PLEKHG1: variants seen among roughly 807,000 people sequenced by gnomAD.
PLEKHG1 encodes the protein pleckstrin homology domain-containing family G member 1.
Under a neutral mutation model 100.8 loss-of-function variants are expected in PLEKHG1, and 44 were observed. The ratio of observed to expected loss-of-function variants is 0.44; its 90% CI spans 0.34 to 0.56. The LOEUF (loss-of-function observed/expected upper bound fraction) is 0.56, where lower values mean the gene tolerates loss of function less well. Ranked by LOEUF, PLEKHG1 falls within the 20% of genes least tolerant of loss-of-function variation. The pLI, the probability that PLEKHG1 is intolerant of heterozygous loss-of-function variation, is 0.01. For missense variants in PLEKHG1, 1,545 were observed against 1,720.9 expected, an observed-to-expected ratio of 0.90 and a Z score of 1.81; for synonymous variants, 640 against 662.5, an observed-to-expected ratio of 0.97 and a Z score of 0.52.
intron 3 of PLEKHG1, among the ~76,000 whole-genome samples, chr6:150,785,199 AG>A (rs1395052774): frequency 6.6e-6 from 1 of 152,258 alleles, no homozygotes; most frequent in Non-Finnish European, 1.5e-5. Context: ...AATAGCCTAA[AG>A]AATCAAAAAT....
At chr6:150,730,197 C>T (rs1207834757) in intron 1 of PLEKHG1, among the ~76,000 whole-genome samples, 1 of 152,092 alleles carries the variant, frequency 6.6e-6, no homozygotes, top group African/African-American at 2.4e-5. Context: ...AAAATCAGAA[C>T]TTGCCCTAGA....
intron 4 of PLEKHG1, among the ~76,000 whole-genome samples, chr6:150,791,411 C>G (rs1473361877): frequency 6.6e-6 from 1 of 152,062 alleles, no homozygotes; most frequent in Non-Finnish European, 1.5e-5. Flanking sequence ...CCTGTAATCT[C>G]AGCACTTTGG....
intron 3 of PLEKHG1, among the ~76,000 whole-genome samples, chr6:150,773,062 T>A (rs190420181): frequency 4.4e-4 from 67 of 152,206 alleles, no homozygotes; most frequent in Admixed American, 3.9e-3. Flanking sequence ...GGTTTTGTGT[T>A]GTGTTTTTTT....
intron 7 of PLEKHG1, among the ~76,000 whole-genome samples, chr6:150,806,919 A>C (rs1490171709): frequency 6.6e-6 from 1 of 151,846 alleles, no homozygotes; most frequent in Non-Finnish European, 1.5e-5. Flanking sequence ...GAGTAGCATG[A>C]TGAAATCTCA....
intron 3 of PLEKHG1, among the ~76,000 whole-genome samples, chr6:150,655,394 A>AG (rs1778922962): frequency 6.6e-6 from 1 of 152,168 alleles, no homozygotes; most frequent in South Asian, 2.1e-4. Context: ...AATGCCCATC[A>AG]GTGATAGACT....
At chr6:150,740,219 G>A (rs1382897475) in intron 2 of PLEKHG1, among the ~76,000 whole-genome samples, 1 of 152,206 alleles carries the variant, frequency 6.6e-6, no homozygotes, top group Non-Finnish European at 1.5e-5. Flanking sequence ...CCTCCCTTGA[G>A]GACAGTACTG....
intron 3 of PLEKHG1, among the ~76,000 whole-genome samples, chr6:150,655,958 G>A (rs1778953662): frequency 6.6e-6 from 1 of 152,022 alleles, no homozygotes; most frequent in African/African-American, 2.4e-5. Flanking sequence ...GGGTTGGGGG[G>A]CCAGGAGAGG....
chr6:150,804,176 T>TATATATATATATATATA (rs55868220), intron 6 of PLEKHG1, among the ~76,000 whole-genome samples: 21 of 24,766 alleles, frequency 8.5e-4, no homozygotes, highest in African/African-American at 2.2e-3. Flanking sequence ...TATATATATA[T>TATATATATATATATATA]TTTTTTTTTT....
At chr6:150,718,366 A>C (rs915908087), upstream of PLEKHG1, among the ~76,000 whole-genome samples, 1 of 152,086 alleles carries the variant, frequency 6.6e-6, no homozygotes, top group Non-Finnish European at 1.5e-5. Flanking sequence ...ATGGGGAGAA[A>C]CCAGGGTCTT....
chr6:150,672,904 A>C (rs977390892), intron 3 of PLEKHG1, among the ~76,000 whole-genome samples: 4 of 152,220 alleles, frequency 2.6e-5, no homozygotes, highest in African/African-American at 9.6e-5. Context: ...TTTCTACTGC[A>C]TATCAACTCT....
Position 150,831,256 on chromosome 6 carries a change from A to C in PLEKHG1, c.2145A>C (p.Ala715=), listed in dbSNP as rs958552451. The stretch of plus-strand genomic sequence containing the variant: ...GCCACAGTAAGGGCTCTCTTTACGC[A>C]CAAACAGATGGCACCCTCTCAGGTG... The change falls in exon 15 of 16, where the codon GCA becomes GCC. Residue 715 remains alanine, a synonymous_variant. Transcript: ENST00000358517. The surrounding 1 kb of genome is among the most constrained non-coding windows in gnomAD (Gnocchi z 4.1). 9 of 1,613,974 alleles carry C rather than the reference A, an allele frequency of 5.6e-6. No homozygotes were observed. The highest frequency in any genetic ancestry group is 7.6e-6 in the Non-Finnish European group (9 of 1,180,006).
intron 2 of PLEKHG1, among the ~76,000 whole-genome samples, chr6:150,757,987 A>G (rs61094964): frequency 0.36 from 55,134 of 151,894 alleles, 12,202 homozygotes; most frequent in African/African-American, 0.6. Context: ...TGAGGATAAC[A>G]GCTTCCGGCT....
chr6:150,829,886 A>G (rs1456239745), intron 14 of PLEKHG1, among the ~76,000 whole-genome samples: 3 of 152,164 alleles, frequency 2.0e-5, no homozygotes, highest in African/African-American at 2.4e-5. Flanking sequence ...GGCTTTTCGT[A>G]TACCAGAAAC....
intron 15 of PLEKHG1, among the ~76,000 whole-genome samples, chr6:150,834,927 C>T (rs932183375): frequency 5.9e-5 from 9 of 152,160 alleles, no homozygotes; most frequent in Admixed American, 2.0e-4. Flanking sequence ...CTAGGCTTTC[C>T]GTCAGTTGAC....
At chr6:150,717,307 T>A (rs1216603623), upstream of PLEKHG1, among the ~76,000 whole-genome samples, 18 of 152,100 alleles carry the variant, frequency 1.2e-4, no homozygotes, top group Admixed American at 1.2e-3. Context: ...CCCAAAGTGC[T>A]GGGATTACAG....
intron 3 of PLEKHG1, among the ~76,000 whole-genome samples, chr6:150,706,067 C>G (rs1028239038): frequency 6.6e-6 from 1 of 152,174 alleles, no homozygotes; most frequent in African/African-American, 2.4e-5. Context: ...TAAGTCTTCA[C>G]TCCTGTCCTA....
At chr6:150,704,070 G>A (rs1780908863) in intron 3 of PLEKHG1, among the ~76,000 whole-genome samples, 1 of 152,024 alleles carries the variant, frequency 6.6e-6, no homozygotes, top group Non-Finnish European at 1.5e-5. Flanking sequence ...TCGGTGCTGA[G>A]TTTCGGAGTT....
intron 3 of PLEKHG1, chr6:150,662,596 A>C (rs1409815447): frequency 6.6e-6 from 1 of 152,126 alleles, no homozygotes; most frequent in African/African-American, 2.4e-5. Flanking sequence ...TTGTGTTTTT[A>C]GTAGAGACAG....
chr6:150,655,964 A>G (rs1778953888), intron 3 of PLEKHG1, among the ~76,000 whole-genome samples: 1 of 151,968 alleles, frequency 6.6e-6, no homozygotes, highest in Non-Finnish European at 1.5e-5. Context: ...GGGGGCCAGG[A>G]GAGGTATAGC....
Sources: allele counts gnomAD v4.1 joint callset (sites outside exome capture counted in the v4.1 genomes callset), GRCh38; gene constraint gnomAD v4.1.1; non-coding constraint Gnocchi (gnomAD v3.1); transcripts MANE v1.5; gene names NCBI Gene and HGNC (gene_info 2026-07-23, HGNC 2026-07-21).